The following FSTL1 variants were observed in gnomAD, a reference collection of about 807,000 sequenced individuals.
FSTL1 encodes follistatin-related protein 1.
A neutral mutation model predicts 45.9 loss-of-function variants in FSTL1; 24 were observed. The observed-to-expected ratio is 0.52, with a 90% CI of 0.38 to 0.74. The LOEUF is 0.74. FSTL1 is among the 30% of genes least tolerant of loss of function. The pLI is 0.00. For synonymous variants in FSTL1, 120 were observed against 137.6 expected (o/e 0.87, Z 0.89); for missense variants, 340 against 381.8 (o/e 0.89, Z 0.91).
chr3:120,421,830 C>A (rs1937284198), intron 2 of FSTL1, among the ~76,000 whole-genome samples: 1 of 152,104 alleles, frequency 6.6e-6, no homozygotes, highest in Non-Finnish European at 1.5e-5. Context: ...TGCACTAGGG[C>A]CAAACCCTGG....
intron 2 of FSTL1, among the ~76,000 whole-genome samples, chr3:120,416,490 G>C (rs981984840): frequency 1.3e-5 from 2 of 152,186 alleles, no homozygotes; most frequent in Admixed American, 1.3e-4. Flanking sequence ...GGGAGGAAGA[G>C]GGTGAGAATT....
At chr3:120,417,044 G>T (rs1183985470) in intron 2 of FSTL1, among the ~76,000 whole-genome samples, 1 of 152,146 alleles carries the variant, frequency 6.6e-6, no homozygotes, top group Non-Finnish European at 1.5e-5. Flanking sequence ...CTGACTGGCT[G>T]GGCAGGCAAA....
At chr3:120,449,998 C>T (rs1937847128) in intron 2 of FSTL1, among the ~76,000 whole-genome samples, 1 of 150,996 alleles carries the variant, frequency 6.6e-6, no homozygotes, top group Non-Finnish European at 1.5e-5. Context: ...TTTGTAGTGT[C>T]TCAGGAAGGT....
chr3:120,412,678 G>C (rs935995700), intron 3 of FSTL1, among the ~76,000 whole-genome samples: 1 of 152,162 alleles, frequency 6.6e-6, no homozygotes, highest in Admixed American at 6.5e-5. Flanking sequence ...TGAATTCTCT[G>C]TCACTTTGGA....
intron 2 of FSTL1, among the ~76,000 whole-genome samples, chr3:120,431,696 A>G (rs1468677626): frequency 6.6e-6 from 1 of 152,218 alleles, no homozygotes. Flanking sequence ...AAATAAAAAT[A>G]GTTCTGAGTT....
At chr3:120,433,907 G>C (rs1277211133) in intron 2 of FSTL1, among the ~76,000 whole-genome samples, 1 of 152,178 alleles carries the variant, frequency 6.6e-6, no homozygotes, top group African/African-American at 2.4e-5. Flanking sequence ...AGGTAAGCTG[G>C]GAAAAGCTGG....
chr3:120,436,539 T>C (rs1937563289), intron 2 of FSTL1, among the ~76,000 whole-genome samples: 1 of 152,190 alleles, frequency 6.6e-6, no homozygotes. Context: ...AATTAATGCA[T>C]AAAGTGAATG....
At chr3:120,402,520 C>T (rs1341788712) in intron 9 of FSTL1, among the ~76,000 whole-genome samples, 3 of 151,874 alleles carry the variant, frequency 2.0e-5, no homozygotes, top group Admixed American at 1.3e-4. Flanking sequence ...TTCACTGTTA[C>T]TATTTCCATA....
chr3:120,409,968 G>A, intron 5 of FSTL1: 1 of 203,094 alleles, frequency 4.9e-6, no homozygotes, highest in Non-Finnish European at 9.8e-6. Flanking sequence ...GGAAGCTGAA[G>A]GGGAAAAAAT....
intron 2 of FSTL1, among the ~76,000 whole-genome samples, chr3:120,418,245 T>C (rs1180039951): frequency 6.6e-6 from 1 of 152,230 alleles, no homozygotes; most frequent in Non-Finnish European, 1.5e-5. Context: ...CCTGCAAGAA[T>C]AGGTATATTA....
rs1271373842 is a variant in FSTL1 at position 120,450,940 on chromosome 3, G to A, written c.-44C>T. 4 of 476,856 alleles carry A rather than the reference G, an allele frequency of 8.4e-6. No homozygotes were observed. Among genetic ancestry groups the A allele is most frequent in the African/African-American group, 6.1e-5 (3 of 48,944 alleles). 29.5% of individuals were successfully genotyped at this position (476,856 alleles called of 1,614,324 possible). ...TCCTGGGGGCGCGGGGCAGGACGGC[G>A]GCAGCGAGCTGTAAGCGGAGGTGGG... On this transcript the variant is annotated 5_prime_UTR_variant, in exon 1 of 11. Transcript: ENST00000295633.
At chr3:120,411,805 T>C (rs764241520) in intron 4 of FSTL1, 49 bp downstream of exon 4, 7 of 1,567,282 alleles carry the variant, frequency 4.5e-6, no homozygotes, top group South Asian at 1.1e-5. Context: ...CTCTGTTCCT[T>C]GGCTCCCCGT....
At chr3:120,445,364 A>T (rs949580236) in intron 2 of FSTL1, among the ~76,000 whole-genome samples, 1 of 149,650 alleles carries the variant, frequency 6.7e-6, no homozygotes, top group African/African-American at 2.6e-5. Flanking sequence ...TAAAACATGG[A>T]TTAAAAACTT....
At chr3:120,421,014 T>C (rs1259293) in intron 2 of FSTL1, among the ~76,000 whole-genome samples, 90,047 of 152,128 alleles carry the variant, frequency 0.59, 28,892 homozygotes, top group Middle Eastern at 0.73. Flanking sequence ...TTTGCAAAAC[T>C]ACCAGTAGAG....
At chr3:120,435,732 C>A (rs1224207157) in intron 2 of FSTL1, among the ~76,000 whole-genome samples, 2 of 152,112 alleles carry the variant, frequency 1.3e-5, no homozygotes, top group African/African-American at 4.8e-5. Flanking sequence ...ACATTCCAGG[C>A]CACTGTAACA....
intron 2 of FSTL1, among the ~76,000 whole-genome samples, chr3:120,422,215 A>G (rs536586023): frequency 1.3e-5 from 2 of 152,334 alleles, no homozygotes; most frequent in African/African-American, 4.8e-5. Flanking sequence ...GGGGGTACAA[A>G]GTTTCGGTTA....
chr3:120,396,819 A>T lies in FSTL1; in HGVS notation c.*133T>A, dbSNP rs912008178. 1 of 718,078 alleles carries T rather than the reference A, an allele frequency of 1.4e-6. No homozygotes were observed. The highest frequency in any genetic ancestry group is 2.5e-6 in the Non-Finnish European group (1 of 402,336). The allele number at this position is 718,078 out of a possible 1,614,324, so 44.5% of individuals were successfully genotyped here. A position where few individuals can be genotyped will look rare whatever the true frequency, so the allele number is the denominator to read the frequency against. On this transcript the variant is annotated 3_prime_UTR_variant, in exon 11 of 11. Transcript: ENST00000295633. The stretch of plus-strand genomic sequence containing the variant: ...TCATATCCTTTATTGCAAAACAAAT[A>T]AACAAAATAAAACTCATTGCTATAT...
intron 2 of FSTL1, among the ~76,000 whole-genome samples, chr3:120,418,526 G>A (rs1224426910): frequency 6.6e-6 from 1 of 152,196 alleles, no homozygotes; most frequent in Non-Finnish European, 1.5e-5. Flanking sequence ...AAGTGGCAGA[G>A]CTAGAATTCT....
chr3:120,406,528 C>A (rs1376065733), intron 6 of FSTL1, among the ~76,000 whole-genome samples: 1 of 152,196 alleles, frequency 6.6e-6, no homozygotes, highest in African/African-American at 2.4e-5. Flanking sequence ...TGTGTACACA[C>A]ACTTCAGTAG....
Sources: gnomAD v4.1 joint callset for allele counts (sites outside exome capture counted in the v4.1 genomes callset) on GRCh38, gnomAD v4.1.1 for gene constraint, MANE v1.5 for transcripts, NCBI Gene and HGNC (gene_info 2026-07-23, HGNC 2026-07-21) for gene names.